Variants in EIF3A observed in about 807,000 individuals in gnomAD.
EIF3A encodes EIF3, p180 subunit.
Under a neutral mutation model 186.6 loss-of-function variants are expected in EIF3A, and 21 were observed. The observed-to-expected ratio is 0.11, with a 90% CI of 0.08 to 0.16. The LOEUF (loss-of-function observed/expected upper bound fraction) is 0.16, where lower values mean the gene tolerates loss of function less well. Ranked by LOEUF, EIF3A falls within the 10% of genes least tolerant of loss-of-function variation. EIF3A has a pLI of 1.00. For missense variants in EIF3A, 1,306 were observed against 1,796.3 expected, an observed-to-expected ratio of 0.73 and a Z score of 4.93; for synonymous variants, 563 against 584.3, an observed-to-expected ratio of 0.96 and a Z score of 0.52.
At position 119,044,086 on chromosome 10, in the gene EIF3A, T is replaced by C. The variant is rs1203549570; in HGVS notation, c.2715A>G (p.Ala905=). The change falls in exon 18 of 22, where the codon GCA becomes GCG. Residue 905 remains alanine, a synonymous_variant. Transcript: ENST00000369144. The part of the protein sequence containing the change: ...SEGTWRKGPE[A]DSEWRRGPPE... ...GCGGGCCTCTTCTCCACTCAGAATC[T>C]GCTTCAGGTCCTTTTCTCCAGGTGC... 1 of 1,613,982 alleles carries C rather than the reference T, an allele frequency of 6.2e-7. No individual in the cohort carries two copies.
chr10:119,079,169 T>C (rs1205129275), intron 1 of EIF3A, among the ~76,000 whole-genome samples: 2 of 152,206 alleles, frequency 1.3e-5, no homozygotes, highest in African/African-American at 4.8e-5. Flanking sequence ...AAACTGCTTG[T>C]CTGTTCTAAC....
chr10:119,072,343 G>GA (rs1225433688), intron 4 of EIF3A, among the ~76,000 whole-genome samples: 3 of 146,000 alleles, frequency 2.1e-5, no homozygotes, highest in East Asian at 2.0e-4. Context: ...TGTGTAAAAA[G>GA]AAAAAAAAAG....
At chr10:119,080,197 T>G (rs1032698936) in intron 1 of EIF3A, among the ~76,000 whole-genome samples, 6 of 152,042 alleles carry the variant, frequency 3.9e-5, no homozygotes, top group African/African-American at 1.4e-4. Context: ...GGCTCTCGCG[T>G]GCATTGTCCC....
intron 7 of EIF3A, among the ~76,000 whole-genome samples, chr10:119,063,330 A>G (rs1477857730): frequency 1.3e-5 from 2 of 152,210 alleles, no homozygotes; most frequent in Non-Finnish European, 2.9e-5. Context: ...AGTTAGCTAC[A>G]AAGTGAATCT....
At chr10:119,058,776 A>G (rs976308086) in intron 11 of EIF3A, among the ~76,000 whole-genome samples, 1 of 152,236 alleles carries the variant, frequency 6.6e-6, no homozygotes, top group African/African-American at 2.4e-5. Context: ...CCAGCTACAC[A>G]GGAGGCTGAG....
intron 7 of EIF3A, among the ~76,000 whole-genome samples, chr10:119,063,784 C>G (rs1244649251): frequency 1.3e-5 from 2 of 152,142 alleles, no homozygotes; most frequent in Non-Finnish European, 2.9e-5. Context: ...ATGCGAAACA[C>G]TAAAAAGATA....
intron 4 of EIF3A, among the ~76,000 whole-genome samples, chr10:119,072,408 A>C (rs1373730560): frequency 6.6e-6 from 1 of 150,892 alleles, no homozygotes; most frequent in Non-Finnish European, 1.5e-5. Context: ...AAAGAGTAAA[A>C]CAAATTCCTT....
chr10:119,080,388 G>T (rs1844245032), intron 1 of EIF3A: 1 of 985,348 alleles, frequency 1.0e-6, no homozygotes, highest in Non-Finnish European at 1.2e-6. Flanking sequence ...ACCCGGAGGC[G>T]GCAGGGGGAA....
At chr10:119,054,228 G>T (rs181214499) in intron 14 of EIF3A, among the ~76,000 whole-genome samples, 1 of 152,100 alleles carries the variant, frequency 6.6e-6, no homozygotes, top group African/African-American at 2.4e-5. Context: ...GCCTTCTGCG[G>T]CTTTCTAACC....
At chr10:119,054,300 G>C in intron 14 of EIF3A, among the ~76,000 whole-genome samples, 1 of 152,186 alleles carries the variant, frequency 6.6e-6, no homozygotes, top group Non-Finnish European at 1.5e-5. Flanking sequence ...ATCAGGCTTT[G>C]GCTAAAGGGA....
chr10:119,069,578 G>T lies in EIF3A; in HGVS notation c.818C>A (p.Ala273Glu). 6.3e-7 allele frequency: 1 copy of T among 1,595,192 alleles called. No homozygotes were observed. The highest frequency in any genetic ancestry group is 8.6e-7 in the Non-Finnish European group (1 of 1,162,798). The stretch of plus-strand genomic sequence containing the variant: ...AGTTGAGACTTTGTTATAGTAATTT[G>T]CCATCAACTGAGGTTTAGGTGGTTT... ...SKKPPKPQLMANYYNKVSTVF... is the reference protein window; with the variant it reads ...SKKPPKPQLMENYYNKVSTVF... The change falls in exon 6 of 22, where the codon GCA becomes GAA. Residue 273 changes from alanine (A) to glutamate (E), a missense_variant. By Grantham distance (107) the Ala-to-Glu change is moderately radical (BLOSUM62 -1). Around this residue, in one of 8 missense-constraint regions of EIF3A, gnomAD observed 267 missense variants for 367.8 expected, o/e 0.73. Coordinates refer to ENST00000369144, the MANE Select transcript of EIF3A (RefSeq NM_003750.4).
chr10:119,050,457 TA>T, intron 16 of EIF3A, 63 bp downstream of exon 16: 2 of 1,501,998 alleles, frequency 1.3e-6, no homozygotes, highest in Non-Finnish European at 1.8e-6. Context: ...ATAAGATCAC[TA>T]AAAACTAGAT....
At chr10:119,072,176 C>T (rs1844084994) in intron 4 of EIF3A, among the ~76,000 whole-genome samples, 1 of 147,314 alleles carries the variant, frequency 6.8e-6, no homozygotes, top group Non-Finnish European at 1.5e-5. Flanking sequence ...AATGCAAGAT[C>T]CCAGCTCTTT....
intron 16 of EIF3A, 85 bp from the exon 17 acceptor site, chr10:119,050,070 G>A: frequency 8.1e-7 from 1 of 1,238,960 alleles, no homozygotes. Context: ...TATTAAACAG[G>A]TAGCATAATG....
rs923086240 is a variant in EIF3A, at chr10:119,042,436, G to T, written c.3084C>A (p.Ser1028Arg). 3 of 1,613,996 alleles carry T rather than the reference G, an allele frequency of 1.9e-6. No individual in the cohort carries two copies. The African/African-American group carries it at 4.0e-5, about 22-fold the overall frequency. Reference sequence around the variant, plus strand: ...CTCTGTCCTCATCAGCTGTTCGCCAGCTTCCTCTGTCCTCATCCAGTCCTC... The same window carrying T: ...CTCTGTCCTCATCAGCTGTTCGCCATCTTCCTCTGTCCTCATCCAGTCCTC... ...PRRGLDEDRG[S>R]WRTADEDRGP... Residue 1028 changes from serine to arginine, a missense_variant, in exon 19 of 22, where the codon AGC becomes AGA. Physicochemically the swap from Ser to Arg is moderately radical, Grantham distance 110. Coordinates refer to ENST00000369144, the MANE Select transcript of EIF3A (RefSeq NM_003750.4). This position sits in a 1 kb window ranked among gnomAD's most constrained non-coding sequence, Gnocchi z 7.8.
At chr10:119,072,776 G>A in intron 4 of EIF3A, 114 bp downstream of exon 4, 1 of 1,306,354 alleles carries the variant, frequency 7.7e-7, no homozygotes, top group South Asian at 1.4e-5. Flanking sequence ...ATACTCATGT[G>A]AATGCCAACA....
rs755558028 is a variant in EIF3A at position 119,058,363 on chromosome 10, T to G, written c.1630-60A>C. ...AATTAACATTCTCTGGTATTAGGCA[T>G]CAAAGAAATTACAAAATAATCCTGA... is the stretch of plus-strand genomic sequence containing the variant. On this transcript the variant is annotated intron_variant, in intron 11 of 21. Coordinates refer to ENST00000369144, the MANE Select transcript of EIF3A (RefSeq NM_003750.4). The G allele has an allele frequency of 1.2e-5, 14 of 1,198,078 alleles. No individual in the cohort carries two copies. The East Asian group carries it at 3.3e-4, about 28-fold the overall frequency. The allele number at this position is 1,198,078 out of a possible 1,614,324, so 74.2% of individuals were successfully genotyped here.
At chr10:119,071,203 T>C in intron 4 of EIF3A, 118 bp from the exon 5 acceptor site, 1 of 731,922 alleles carries the variant, frequency 1.4e-6, no homozygotes, top group Non-Finnish European at 2.3e-6. Flanking sequence ...AAACTCATCA[T>C]TAGTCTTTGT....
intron 6 of EIF3A, among the ~76,000 whole-genome samples, chr10:119,066,878 G>A (rs930739841): frequency 6.6e-6 from 1 of 152,166 alleles, no homozygotes; most frequent in Non-Finnish European, 1.5e-5. Flanking sequence ...ACTCTCTGAA[G>A]GCAAGCTTAT....
Sources: gnomAD v4.1 joint callset for allele counts (sites outside exome capture counted in the v4.1 genomes callset) on GRCh38, gnomAD v4.1.1 for gene constraint, gnomAD v4.1.1 regional missense constraint, Gnocchi (gnomAD v3.1) non-coding constraint, MANE v1.5 for transcripts, NCBI Gene and HGNC (gene_info 2026-07-23, HGNC 2026-07-21) for gene names.